ABTB3: variants seen among roughly 807,000 people sequenced by gnomAD.
The protein encoded by ABTB3 is ankyrin repeat and BTB domain containing 3, also known as ankyrin repeat- and BTB/POZ domain-containing protein 3.
At chr12:107,402,463 G>A in the ABTB3 span, among the ~76,000 whole-genome samples, 1 of 152,146 alleles carries the variant, frequency 6.6e-6, no homozygotes, top group African/African-American at 2.4e-5. Flanking sequence ...GTTGTTTTGA[G>A]GATAAAGTGA....
the ABTB3 span, among the ~76,000 whole-genome samples, chr12:107,638,244 C>A: frequency 6.6e-6 from 1 of 151,894 alleles, no homozygotes; most frequent in East Asian, 1.9e-4. Flanking sequence ...AGTGGAGGAC[C>A]ACCAGGACCA....
At chr12:107,429,605 C>T in the ABTB3 span, among the ~76,000 whole-genome samples, 1 of 152,222 alleles carries the variant, frequency 6.6e-6, no homozygotes, top group African/African-American at 2.4e-5. Context: ...TGAAAGTCTA[C>T]TAGCTGCCAG....
At chr12:107,491,954 G>T in the ABTB3 span, among the ~76,000 whole-genome samples, 57,338 of 151,908 alleles carry the variant, frequency 0.38, 13,098 homozygotes, top group African/African-American at 0.65. Context: ...GGTTTAGTCA[G>T]AGGGCTGCTG....
chr12:107,403,221 C>T, the ABTB3 span, among the ~76,000 whole-genome samples: 2 of 152,194 alleles, frequency 1.3e-5, no homozygotes, highest in Non-Finnish European at 2.9e-5. Flanking sequence ...ATGAGGAAAC[C>T]AAGGCCTGGT....
chr12:107,325,042 G>A, the ABTB3 span, among the ~76,000 whole-genome samples: 2 of 152,186 alleles, frequency 1.3e-5, no homozygotes. Flanking sequence ...GTTTATAAAA[G>A]CACCTGCCAC....
At chr12:107,535,870 A>C in the ABTB3 span, among the ~76,000 whole-genome samples, 1 of 152,178 alleles carries the variant, frequency 6.6e-6, no homozygotes, top group Non-Finnish European at 1.5e-5. Context: ...TCAAAACACC[A>C]ATGACATTCT....
At chr12:107,655,060 C>G in the ABTB3 span, among the ~76,000 whole-genome samples, 3 of 152,094 alleles carry the variant, frequency 2.0e-5, no homozygotes, top group African/African-American at 7.2e-5. Flanking sequence ...AACTTGACAT[C>G]CACAGTGGCT....
chr12:107,615,392 G>C, the ABTB3 span, among the ~76,000 whole-genome samples: 1 of 152,326 alleles, frequency 6.6e-6, no homozygotes, highest in South Asian at 2.1e-4. Context: ...CTCACACACA[G>C]AGTGACAGAC....
the ABTB3 span, among the ~76,000 whole-genome samples, chr12:107,401,255 G>C: frequency 6.6e-6 from 1 of 152,204 alleles, no homozygotes; most frequent in African/African-American, 2.4e-5. Flanking sequence ...ACCAACCAAA[G>C]GAAGCCAAGG....
chr12:107,640,308 C>T, the ABTB3 span: 16 of 1,529,038 alleles, frequency 1.0e-5, no homozygotes, highest in African/African-American at 2.7e-5. Context: ...TTTCCTATTC[C>T]AGATCCTCAT....
chr12:107,384,575 G>C, the ABTB3 span, among the ~76,000 whole-genome samples: 1 of 152,192 alleles, frequency 6.6e-6, no homozygotes, highest in Non-Finnish European at 1.5e-5. Flanking sequence ...CAGGGATGCA[G>C]AACTGGACAG....
the ABTB3 span, among the ~76,000 whole-genome samples, chr12:107,587,358 C>A: frequency 6.6e-6 from 1 of 152,064 alleles, no homozygotes; most frequent in African/African-American, 2.4e-5. Flanking sequence ...CAGTGATCCA[C>A]GTGAGATGCT....
the ABTB3 span, among the ~76,000 whole-genome samples, chr12:107,553,607 TTGATAA>T: frequency 5.0e-3 from 762 of 152,178 alleles, 2 homozygotes; most frequent in Admixed American, 9.5e-3. Flanking sequence ...GTTGAGAGAC[TTGATAA>T]GGTGGCAGGA....
At chr12:107,581,344 G>A in the ABTB3 span, 4 of 1,291,388 alleles carry the variant, frequency 3.1e-6, no homozygotes, top group Non-Finnish European at 3.9e-6. Flanking sequence ...GGGGAGGGAG[G>A]GCTCCGGCCT....
chr12:107,503,162 C>T, the ABTB3 span, among the ~76,000 whole-genome samples: 9 of 152,030 alleles, frequency 5.9e-5, no homozygotes, highest in African/African-American at 2.2e-4. Flanking sequence ...GCAGAGAATC[C>T]AGGTTTAGGA....
At chr12:107,578,130 GC>G in the ABTB3 span, among the ~76,000 whole-genome samples, 1 of 151,988 alleles carries the variant, frequency 6.6e-6, no homozygotes, top group Non-Finnish European at 1.5e-5. Context: ...TACAAATAAT[GC>G]TATTTTTTCC....
chr12:107,487,660 C>T, the ABTB3 span, among the ~76,000 whole-genome samples: 2 of 152,136 alleles, frequency 1.3e-5, no homozygotes, highest in Non-Finnish European at 2.9e-5. Flanking sequence ...TTACCTCCTT[C>T]TACTCCAGTA....
At chr12:107,422,738 T>C in the ABTB3 span, among the ~76,000 whole-genome samples, 2 of 152,226 alleles carry the variant, frequency 1.3e-5, no homozygotes, top group African/African-American at 2.4e-5. Flanking sequence ...TTGTATTAAT[T>C]AGGACTCTTG....
chr12:107,539,274 C>A, the ABTB3 span, among the ~76,000 whole-genome samples: 1 of 152,146 alleles, frequency 6.6e-6, no homozygotes, highest in African/African-American at 2.4e-5. Context: ...TGCCCGATCC[C>A]ACCCCAGGCC....
Sources: allele counts gnomAD v4.1 joint callset (sites outside exome capture counted in the v4.1 genomes callset), GRCh38; gene constraint gnomAD v4.1.1; transcripts MANE v1.5; gene names NCBI Gene and HGNC (gene_info 2026-07-23, HGNC 2026-07-21).